CEP89: variants seen among roughly 807,000 people sequenced by gnomAD.
CEP89 encodes centrosomal protein 89.
A neutral mutation model predicts 97.6 loss-of-function variants in CEP89; 95 were observed. The ratio of observed to expected loss-of-function variants is 0.97; its 90% CI spans 0.82 to 1.15. CEP89 has a LOEUF of 1.15. Among genes scored for constraint, CEP89 ranks in the 50% most tolerant of loss-of-function variants. The pLI is 0.00. For missense variants in CEP89, 869 were observed against 947.7 expected (o/e 0.92, Z 1.09); for synonymous variants, 354 against 349.1 (o/e 1.01, Z -0.16).
intron 17 of CEP89, among the ~76,000 whole-genome samples, chr19:32,886,811 C>T (rs963890404): frequency 2.0e-5 from 3 of 150,726 alleles, no homozygotes; most frequent in African/African-American, 4.9e-5. Context: ...ACTTCCATGC[C>T]GAGTCCCCTC....
intron 5 of CEP89, among the ~76,000 whole-genome samples, chr19:32,945,284 CAAAAAAAAAAA>C (rs10709515): frequency 2.1e-5 from 2 of 95,886 alleles, no homozygotes; most frequent in East Asian, 5.9e-4. Flanking sequence ...AACTATGTTT[CAAAAAAAAAAA>C]AAAAAAAAAA....
chr19:32,936,561 T>C lies in CEP89; in HGVS notation c.667+1070A>G, dbSNP rs564752214. 1.2e-4 allele frequency among the ~76,000 whole-genome samples: 18 copies of C among 152,240 alleles called. No individual in the cohort carries two copies. The highest frequency in any genetic ancestry group is 6.5e-4 in the Admixed American group (10 of 15,294). The stretch of plus-strand genomic sequence containing the variant: ...ATGGTGCCTTTTCCAGGCCCACCCA[T>C]GGCCACCCATGGACCAATCGGTGCG... On this transcript the variant is annotated intron_variant, in intron 7 of 18. Transcript: ENST00000305768. This position sits in a 1 kb window ranked among gnomAD's most constrained non-coding sequence, Gnocchi z 4.5.
chr19:32,882,057 C>T (rs1474042019), intron 17 of CEP89, 44 bp from the exon 18 acceptor site: 1 of 1,520,220 alleles, frequency 6.6e-7, no homozygotes, highest in Non-Finnish European at 8.9e-7. Context: ...CGCTGCCAGG[C>T]CAGGGTGGAC....
At chr19:32,910,563 CTTT>C (rs937671433) in intron 14 of CEP89, among the ~76,000 whole-genome samples, 15 of 152,070 alleles carry the variant, frequency 9.9e-5, no homozygotes, top group African/African-American at 3.6e-4. Context: ...ACTTTATAAA[CTTT>C]TTAATTTTTT....
At chr19:32,962,105 G>A (rs1971181724) in intron 2 of CEP89, among the ~76,000 whole-genome samples, 1 of 151,498 alleles carries the variant, frequency 6.6e-6, no homozygotes, top group Non-Finnish European at 1.5e-5. Flanking sequence ...GTTTGGCTCT[G>A]TGCCATTACC....
At chr19:32,903,217 CAAAT>C (rs1171952464) in intron 14 of CEP89, among the ~76,000 whole-genome samples, 13 of 151,448 alleles carry the variant, frequency 8.6e-5, no homozygotes, top group Non-Finnish European at 1.9e-4. Context: ...AGAAAGTAAA[CAAAT>C]AAATAAATAA....
chr19:32,953,731 C>T lies in CEP89; in HGVS notation c.376G>A (p.Glu126Lys), dbSNP rs1335609513. 4 of 1,614,036 alleles carry T rather than the reference C, an allele frequency of 2.5e-6. No homozygotes were observed. Among genetic ancestry groups the T allele is most frequent in the East Asian group, 2.2e-5 (1 of 44,878 alleles). Residue 126 changes from glutamate to lysine, a missense_variant, in exon 4 of 19, where the codon GAA becomes AAA. Glu to Lys is a moderately conservative substitution (Grantham distance 56). Coordinates refer to ENST00000305768, the MANE Select transcript of CEP89 (RefSeq NM_032816.5). ...PSFETLDYGDEEDIETQLSSS... is the reference protein window; with the variant it reads ...PSFETLDYGDKEDIETQLSSS... ...GACAGCTGAGTTTCAATGTCCTCTTCGTCCCCATAGTCCAGTGTTTCAAAG... is the reference window on the plus strand; with the variant it reads ...GACAGCTGAGTTTCAATGTCCTCTTTGTCCCCATAGTCCAGTGTTTCAAAG...
chr19:32,922,822 T>A (rs1464799637), intron 12 of CEP89, among the ~76,000 whole-genome samples: 1 of 149,450 alleles, frequency 6.7e-6, no homozygotes, highest in East Asian at 2.0e-4. Flanking sequence ...CACTCCAGCC[T>A]GGCCAACACA....
At chr19:32,888,742 A>G (rs1185764668) in intron 16 of CEP89, among the ~76,000 whole-genome samples, 1 of 152,054 alleles carries the variant, frequency 6.6e-6, no homozygotes, top group Non-Finnish European at 1.5e-5. Flanking sequence ...AATGTAATAA[A>G]TGCAAGATGG....
intron 3 of CEP89, among the ~76,000 whole-genome samples, chr19:32,957,693 C>T (rs1971077678): frequency 6.6e-6 from 1 of 151,988 alleles, no homozygotes; most frequent in South Asian, 2.1e-4. Flanking sequence ...AACTGTAGTC[C>T]CAGCTACTCT....
intron 13 of CEP89, among the ~76,000 whole-genome samples, chr19:32,916,394 C>T (rs1970127793): frequency 6.6e-6 from 1 of 152,178 alleles, no homozygotes; most frequent in South Asian, 2.1e-4. Flanking sequence ...TGATTCCAGT[C>T]TTCAAGGAAC....
At chr19:32,934,134 G>A (rs2145931754) in intron 7 of CEP89, among the ~76,000 whole-genome samples, 1 of 152,194 alleles carries the variant, frequency 6.6e-6, no homozygotes, top group Middle Eastern at 3.4e-3. Context: ...CTGGTGGCTG[G>A]CTGGGTGCGG....
Position 32,931,464 on chromosome 19 carries a change from A to G in CEP89, c.994T>C (p.Tyr332His). 6.3e-7 allele frequency: 1 copy of G among 1,591,628 alleles called. No homozygotes were observed. The highest frequency in any genetic ancestry group is 8.5e-7 in the Non-Finnish European group (1 of 1,174,904). ...GACAAATGCCTGAATTTTGTCTGAT[A>G]TCGACTGAGTTCTACATTCAAACGA... is the stretch of plus-strand genomic sequence containing the variant. ...VHRLNVELSRYQTKFRHLSKE... is the reference protein window; with the variant it reads ...VHRLNVELSRHQTKFRHLSKE... The change falls in exon 9 of 19, where the codon TAT becomes CAT. Residue 332 changes from tyrosine (Y) to histidine (H), a missense_variant. Tyr to His is a moderately conservative substitution (Grantham distance 83). Coordinates refer to ENST00000305768, the MANE Select transcript of CEP89 (RefSeq NM_032816.5).
chr19:32,920,606 C>G (rs1310561856), intron 12 of CEP89, among the ~76,000 whole-genome samples: 4 of 152,090 alleles, frequency 2.6e-5, no homozygotes, highest in African/African-American at 9.7e-5. Flanking sequence ...GCCTCAGGCT[C>G]CTGAGTAGCT....
intron 15 of CEP89, among the ~76,000 whole-genome samples, chr19:32,900,558 C>T (rs1969744789): frequency 6.6e-6 from 1 of 152,040 alleles, no homozygotes; most frequent in African/African-American, 2.4e-5. Context: ...GCCACCACAC[C>T]TGGCCCATAG....
chr19:32,956,361 T>C (rs1433491443), intron 3 of CEP89, among the ~76,000 whole-genome samples: 2 of 151,578 alleles, frequency 1.3e-5, no homozygotes, highest in Non-Finnish European at 2.9e-5. Flanking sequence ...GCCTGTTTTT[T>C]CTTTTTTTAT....
chr19:32,925,697 A>T (rs1290431008), intron 11 of CEP89, among the ~76,000 whole-genome samples: 1 of 152,068 alleles, frequency 6.6e-6, no homozygotes, highest in Non-Finnish European at 1.5e-5. Context: ...CATGTTGACC[A>T]GGCTGGTCTT....
intron 9 of CEP89, among the ~76,000 whole-genome samples, chr19:32,930,832 A>G: frequency 6.6e-6 from 1 of 152,168 alleles, no homozygotes; most frequent in East Asian, 1.9e-4. Flanking sequence ...AACTTTCAGG[A>G]ACGTGACTGA....
intron 5 of CEP89, among the ~76,000 whole-genome samples, chr19:32,944,534 G>A (rs1970755789): frequency 6.6e-6 from 1 of 152,082 alleles, no homozygotes; most frequent in Non-Finnish European, 1.5e-5. Flanking sequence ...ACTACATGAA[G>A]GTCTCTGGTC....
Sources: allele counts gnomAD v4.1 joint callset (sites outside exome capture counted in the v4.1 genomes callset), GRCh38; gene constraint gnomAD v4.1.1; non-coding constraint Gnocchi (gnomAD v3.1); transcripts MANE v1.5; gene names NCBI Gene and HGNC (gene_info 2026-07-23, HGNC 2026-07-21).